Variants in COL9A1 observed in about 807,000 individuals in gnomAD.
COL9A1 encodes collagen type IX alpha 1 chain.
A neutral mutation model predicts 142.6 loss-of-function variants in COL9A1; 104 were observed. That is an observed-to-expected ratio of 0.73 (90% CI 0.62 to 0.86). The LOEUF is 0.86. Ranked by LOEUF, COL9A1 falls within the 40% of genes least tolerant of loss-of-function variation. The pLI is 0.00. For missense variants in COL9A1, 1,210 were observed against 1,176.6 expected, an observed-to-expected ratio of 1.03 and a Z score of -0.42; for synonymous variants, 466 against 396.0, an observed-to-expected ratio of 1.18 and a Z score of -2.10.
At chr6:70,254,655 T>C (rs1382200016) in intron 24 of COL9A1, 126 bp from the exon 25 acceptor site, 1 of 855,038 alleles carries the variant, frequency 1.2e-6, no homozygotes, top group Non-Finnish European at 1.9e-6. Context: ...CATGCACTTT[T>C]ATAAAGTGAC....
intron 35 of COL9A1, among the ~76,000 whole-genome samples, 159 bp downstream of exon 35, chr6:70,234,380 T>C (rs1769760994): frequency 6.6e-6 from 1 of 151,814 alleles, no homozygotes; most frequent in Admixed American, 6.6e-5. Context: ...TGGATGCCAA[T>C]AGTTGGAAAA....
rs866835663 is a variant in COL9A1 at position 70,294,396 on chromosome 6, G to A, written c.467C>T (p.Ser156Leu). The change falls in exon 5 of 38, where the codon TCA becomes TTA. Residue 156 changes from serine (S) to leucine (L), a missense_variant. By Grantham distance (145) the Ser-to-Leu change is moderately radical. Transcript: ENST00000357250. Reference sequence around the variant, plus strand: ...GAGACTTCCATCCAGTCCCTTGTATGAAAATACAACAGATTGTGTTTGGCC... The same window carrying A: ...GAGACTTCCATCCAGTCCCTTGTATAAAAATACAACAGATTGTGTTTGGCC... The part of the protein sequence containing the change: ...INGQTQSVVF[S>L]YKGLDGSLQT... The A allele has an allele frequency of 6.2e-7, 1 of 1,614,096 alleles. No individual in the cohort carries two copies. Among genetic ancestry groups the A allele is most frequent in the African/African-American group, 1.3e-5 (1 of 75,040 alleles).
intron 28 of COL9A1, among the ~76,000 whole-genome samples, chr6:70,249,036 C>T (rs1481828694): frequency 6.6e-6 from 1 of 151,828 alleles, no homozygotes; most frequent in Non-Finnish European, 1.5e-5. Context: ...GAAAGAGGTA[C>T]GGAGAGTATT....
In COL9A1 at chr6:70,283,792, C is replaced by T. The variant is rs759301120; in HGVS notation, c.725G>A (p.Cys242Tyr). ...TTCTCTCCTGGGCCGCAGGGGGTCA[C>T]AATGGATCAGCATCCATTGAAGTTC... The part of the protein sequence containing the change: ...PFELQWMLIH[C>Y]DPLRPRRETC... Residue 242 changes from cysteine (C) to tyrosine (Y), a missense_variant, in exon 6 of 38, where the codon TGT becomes TAT. By Grantham distance (194) the Cys-to-Tyr change is radical (BLOSUM62 -2). Coordinates refer to ENST00000357250, the MANE Select transcript of COL9A1 (RefSeq NM_001851.6). The T allele has an allele frequency of 1.2e-6, 2 of 1,610,486 alleles. No individual in the cohort carries two copies. Among genetic ancestry groups the T allele is most frequent in the Non-Finnish European group, 1.7e-6 (2 of 1,178,458 alleles).
At chr6:70,278,179 C>T in intron 10 of COL9A1, among the ~76,000 whole-genome samples, 1 of 152,126 alleles carries the variant, frequency 6.6e-6, no homozygotes, top group Non-Finnish European at 1.5e-5. Flanking sequence ...CTGTTATTAT[C>T]CATATCATTC....
intron 12 of COL9A1, among the ~76,000 whole-genome samples, chr6:70,272,978 G>T (rs1046031952): frequency 1.4e-4 from 21 of 151,998 alleles, no homozygotes; most frequent in African/African-American, 5.1e-4. Flanking sequence ...TTTATTCACA[G>T]CTGTCTGTGA....
chr6:70,256,955 G>A, intron 20 of COL9A1, 134 bp from the exon 21 acceptor site: 1 of 746,448 alleles, frequency 1.3e-6, no homozygotes, highest in South Asian at 1.6e-5. Context: ...AGTGATCCCT[G>A]AGGAGTAATT....
intron 26 of COL9A1, among the ~76,000 whole-genome samples, chr6:70,252,665 A>C (rs1325222433): frequency 6.6e-6 from 1 of 152,156 alleles, no homozygotes; most frequent in Non-Finnish European, 1.5e-5. Context: ...TAATTATTTG[A>C]GTCTTTCTAC....
At chr6:70,263,357 G>A in intron 18 of COL9A1, 60 bp from the exon 19 acceptor site, 2 of 1,460,338 alleles carry the variant, frequency 1.4e-6, no homozygotes, top group East Asian at 2.3e-5. Flanking sequence ...AACGAACATA[G>A]AAATAGGCTT....
intron 33 of COL9A1, among the ~76,000 whole-genome samples, chr6:70,236,891 G>A (rs1003170749): frequency 4.0e-5 from 6 of 151,422 alleles, no homozygotes; most frequent in Middle Eastern, 3.2e-3. Flanking sequence ...GCGTGATCTC[G>A]GCTCACCACA....
chr6:70,265,627 G>A (rs1182730311), intron 18 of COL9A1, among the ~76,000 whole-genome samples: 1 of 151,528 alleles, frequency 6.6e-6, no homozygotes, highest in Non-Finnish European at 1.5e-5. Flanking sequence ...TGATCATACA[G>A]AGAAATTTCC....
chr6:70,243,921 A>G (rs1770430418), intron 28 of COL9A1, among the ~76,000 whole-genome samples: 1 of 152,230 alleles, frequency 6.6e-6, no homozygotes, highest in Non-Finnish European at 1.5e-5. Flanking sequence ...TATAAAAATG[A>G]AAGGAGTCCT....
chr6:70,258,765 T>G (rs1054626333), intron 20 of COL9A1: 6 of 152,180 alleles, frequency 3.9e-5, no homozygotes, highest in Non-Finnish European at 7.3e-5. Context: ...TTTTTCTTTC[T>G]TTTTTAAAGC....
At chr6:70,227,462 A>G (rs1195488233) in intron 36 of COL9A1, among the ~76,000 whole-genome samples, 1 of 146,060 alleles carries the variant, frequency 6.8e-6, no homozygotes, top group African/African-American at 2.5e-5. Flanking sequence ...TGCTATTTTA[A>G]CCTATAAGAT....
chr6:70,269,235 C>A (rs907448199), intron 16 of COL9A1, among the ~76,000 whole-genome samples: 1 of 152,138 alleles, frequency 6.6e-6, no homozygotes, highest in Non-Finnish European at 1.5e-5. Flanking sequence ...ACTAGACTAG[C>A]CCCATCCTGA....
At chr6:70,300,704 G>A (rs73747755) in intron 2 of COL9A1, among the ~76,000 whole-genome samples, 2,041 of 152,220 alleles carry the variant, frequency 0.013, 39 homozygotes, top group African/African-American at 0.047. Context: ...GAAAATGTTC[G>A]TTTTGAAGAG....
chr6:70,256,124 G>T (rs510423), intron 21 of COL9A1, among the ~76,000 whole-genome samples: 1 of 151,884 alleles, frequency 6.6e-6, no homozygotes, highest in African/African-American at 2.4e-5. Flanking sequence ...TTTCCTGCCC[G>T]TAGGCTTTCA....
chr6:70,302,593 C>T (rs543258910), intron 1 of COL9A1, among the ~76,000 whole-genome samples: 15 of 152,202 alleles, frequency 9.9e-5, no homozygotes, highest in Admixed American at 3.9e-4. Flanking sequence ...ATTGATCTCA[C>T]CTTCTCGGTA....
At chr6:70,247,083 C>T (rs553362991) in intron 28 of COL9A1, among the ~76,000 whole-genome samples, 37 of 152,248 alleles carry the variant, frequency 2.4e-4, no homozygotes, top group African/African-American at 8.7e-4. Flanking sequence ...ACATTTTTAA[C>T]CAAATGTTTA....
Sources: gnomAD v4.1 joint callset for allele counts (sites outside exome capture counted in the v4.1 genomes callset) on GRCh38, gnomAD v4.1.1 for gene constraint, MANE v1.5 for transcripts, NCBI Gene and HGNC (gene_info 2026-07-23, HGNC 2026-07-21) for gene names.